The following NEU3 variants were observed in gnomAD, a reference collection of about 807,000 sequenced individuals.
NEU3 encodes sialidase-3.
NEU3 carries 10 observed loss-of-function variants against 11.4 expected under a neutral mutation model. The ratio of observed to expected loss-of-function variants is 0.88; its 90% CI spans 0.54 to 1.49. The LOEUF (loss-of-function observed/expected upper bound fraction) is 1.49, where lower values mean the gene tolerates loss of function less well. NEU3 is among the 40% of genes most tolerant of loss of function. The pLI is 0.00. For missense variants in NEU3, 529 were observed against 581.8 expected (o/e 0.91, Z 0.93); for synonymous variants, 212 against 228.2 (o/e 0.93, Z 0.64).
downstream of NEU3, among the ~76,000 whole-genome samples, chr11:75,019,373 A>T (rs1035739842): frequency 6.6e-6 from 1 of 152,198 alleles, no homozygotes; most frequent in African/African-American, 2.4e-5. Context: ...AAATGGTTTC[A>T]TGGGCTGGGC....
chr11:74,990,407 A>G (rs1948717564), intron 1 of NEU3, among the ~76,000 whole-genome samples: 2 of 151,670 alleles, frequency 1.3e-5, no homozygotes, highest in Non-Finnish European at 2.9e-5. Flanking sequence ...CCCAAGCTGG[A>G]GTGCAGTGGT....
At chr11:74,994,334 GTA>G (rs1448982396) in intron 1 of NEU3, among the ~76,000 whole-genome samples, 173 bp from the exon 2 acceptor site, 2 of 152,206 alleles carry the variant, frequency 1.3e-5, no homozygotes, top group Non-Finnish European at 2.9e-5. Context: ...AAACAAGAAT[GTA>G]TATTGCTTGC....
At chr11:74,997,690 C>CAAAAAAAAAAAAA (rs35900546) in intron 2 of NEU3, among the ~76,000 whole-genome samples, 1 of 97,698 alleles carries the variant, frequency 1.0e-5, no homozygotes, top group Admixed American at 1.2e-4. Context: ...CTAAAAATAC[C>CAAAAAAAAAAAAA]AAAAAAAAAA....
the NEU3 span, among the ~76,000 whole-genome samples, chr11:74,982,860 C>T: frequency 6.6e-6 from 1 of 152,142 alleles, no homozygotes; most frequent in East Asian, 1.9e-4. Flanking sequence ...TTCCTAGTAA[C>T]AACTGTCTCC....
chr11:75,016,337 T>G (rs1048044342), intron 3 of NEU3, among the ~76,000 whole-genome samples: 47 of 152,166 alleles, frequency 3.1e-4, no homozygotes, highest in African/African-American at 1.1e-3. Flanking sequence ...CTCCCTCCCC[T>G]AAGCGACCCC....
chr11:74,982,040 A>G, the NEU3 span, among the ~76,000 whole-genome samples: 7 of 152,360 alleles, frequency 4.6e-5, no homozygotes, highest in East Asian at 1.3e-3. Flanking sequence ...CAGCAAGCTC[A>G]TGGCTCCAGC....
intron 2 of NEU3, among the ~76,000 whole-genome samples, chr11:75,004,952 A>G (rs558771100): frequency 6.7e-6 from 1 of 148,296 alleles, no homozygotes; most frequent in Non-Finnish European, 1.5e-5. Flanking sequence ...TTTCTTTGTA[A>G]AAATATTTAG....
rs770163312 is a variant in NEU3, at chr11:75,006,208, A to G, written c.1102A>G (p.Thr368Ala). 3.7e-6 allele frequency: 6 copies of G among 1,613,792 alleles called. No homozygotes were observed. The Admixed American group carries it at 5.0e-5, about 13-fold the overall frequency. The change falls in exon 3 of 3, where the codon ACC (threonine) becomes GCC (alanine). Residue 368 changes from threonine to alanine, a missense_variant. Thr to Ala is a moderately conservative substitution (Grantham distance 58, BLOSUM62 0). Coordinates refer to ENST00000294064, the MANE Select transcript of NEU3 (RefSeq NM_006656.6). ...SESWLLYSHPTSRKQRVDLGI... is the reference protein window; with the variant it reads ...SESWLLYSHPASRKQRVDLGI... ...ATCATGGCTCTTGTACTCACACCCAACCAGTAGGAAACAGAGGGTTGACCT... is the reference window on the plus strand; with the variant it reads ...ATCATGGCTCTTGTACTCACACCCAGCCAGTAGGAAACAGAGGGTTGACCT...
downstream of NEU3, among the ~76,000 whole-genome samples, chr11:75,014,325 G>A (rs1948972283): frequency 1.3e-5 from 2 of 152,336 alleles, no homozygotes; most frequent in African/African-American, 2.4e-5. Flanking sequence ...AGATCTCTGA[G>A]TCACAAGTTG....
chr11:74,992,965 G>GA (rs1333042044), intron 1 of NEU3, among the ~76,000 whole-genome samples: 1 of 151,372 alleles, frequency 6.6e-6, no homozygotes. Context: ...CGTCTCAAAA[G>GA]AAAAAAAATA....
At chr11:74,988,633 A>G (rs1315413509), upstream of NEU3, 1 of 199,616 alleles carries the variant, frequency 5.0e-6, no homozygotes, top group Non-Finnish European at 1.0e-5. Context: ...CAGGCTGTCC[A>G]GGGAAGCTTT....
At chr11:74,990,442 C>T (rs553589313) in intron 1 of NEU3, among the ~76,000 whole-genome samples, 4 of 152,246 alleles carry the variant, frequency 2.6e-5, no homozygotes, top group Admixed American at 6.5e-5. Flanking sequence ...CTGCAACCTC[C>T]GTCTCCTGGT....
the NEU3 span, among the ~76,000 whole-genome samples, chr11:74,982,274 A>G: frequency 6.6e-6 from 1 of 152,152 alleles, no homozygotes; most frequent in Non-Finnish European, 1.5e-5. Flanking sequence ...TCCTAGATGA[A>G]TGCCTACACA....
chr11:75,011,347 C>CTTTG (rs954112829), downstream of NEU3, among the ~76,000 whole-genome samples: 1 of 152,188 alleles, frequency 6.6e-6, no homozygotes, highest in Non-Finnish European at 1.5e-5. Context: ...TTTTACTTGA[C>CTTTG]TTTGTTTGTT....
chr11:74,980,900 C>T, the NEU3 span, among the ~76,000 whole-genome samples: 1 of 152,258 alleles, frequency 6.6e-6, no homozygotes, highest in South Asian at 2.1e-4. Context: ...CAGGTTCTTC[C>T]TCCTTTCAGA....
upstream of NEU3, among the ~76,000 whole-genome samples, chr11:74,985,349 G>A (rs753973419): frequency 1.1e-4 from 16 of 152,246 alleles, no homozygotes; most frequent in Admixed American, 3.9e-4. Context: ...TGCACTTTCA[G>A]AAGTTACTAC....
At position 75,005,748 on chromosome 11, in the gene NEU3, C is replaced by T; in HGVS notation, c.642C>T (p.Tyr214=). 1.2e-6 allele frequency: 2 copies of T among 1,613,894 alleles called. No individual in the cohort carries two copies. The highest frequency in any genetic ancestry group is 1.7e-6 in the Non-Finnish European group (2 of 1,179,782). ...SGRLVIPAYT[Y]YIPSWFFCFQ... ...GACTGGTCATCCCTGCGTATACCTA[C>T]TACATCCCTTCCTGGTTCTTTTGCT... Residue 214 remains tyrosine, a synonymous_variant, in exon 3 of 3, where the codon TAC becomes TAT. Transcript: ENST00000294064.
rs1359596873 is a variant in NEU3, at chr11:75,008,445, C to G, written c.*1953C>G. On this transcript the variant is annotated 3_prime_UTR_variant, in exon 3 of 3. Coordinates refer to ENST00000294064, the MANE Select transcript of NEU3 (RefSeq NM_006656.6). ...AGCCCCCTCCTGAGTGGTAGAAACT[C>G]CTTGTTTAGCAAAGCTTTCCTGAAC... is the stretch of plus-strand genomic sequence containing the variant. 6.6e-6 allele frequency: 1 copy of G among 152,078 alleles called. No homozygotes were observed. The highest frequency in any genetic ancestry group is 1.5e-5 in the Non-Finnish European group (1 of 68,056). 9.4% of individuals were successfully genotyped at this position (152,078 alleles called of 1,614,324 possible).
chr11:75,018,549 C>T (rs1031414405), intron 3 of NEU3: 4 of 152,242 alleles, frequency 2.6e-5, no homozygotes, highest in African/African-American at 9.7e-5. Context: ...AAACATCAGA[C>T]TCCAAGTTCT....
Sources: allele counts gnomAD v4.1 joint callset (sites outside exome capture counted in the v4.1 genomes callset), GRCh38; gene constraint gnomAD v4.1.1; transcripts MANE v1.5; gene names NCBI Gene and HGNC (gene_info 2026-07-23, HGNC 2026-07-21).